The following MIPOL1 variants were observed in gnomAD, a reference collection of about 807,000 sequenced individuals.
The protein encoded by MIPOL1 is mirror-image polydactyly gene 1 protein.
Under a neutral mutation model 60.9 loss-of-function variants are expected in MIPOL1, and 57 were observed. That is an observed-to-expected ratio of 0.94 (90% CI 0.76 to 1.17). The LOEUF is 1.17. MIPOL1 is among the 50% of genes most tolerant of loss of function. The pLI, the probability that MIPOL1 is intolerant of heterozygous loss-of-function variation, is 0.00. For missense variants in MIPOL1, 551 were observed against 511.6 expected (o/e 1.08, Z -0.74); for synonymous variants, 179 against 168.8 (o/e 1.06, Z -0.47).
At chr14:37,499,257 A>G (rs868018536) in intron 11 of MIPOL1, among the ~76,000 whole-genome samples, 3 of 152,210 alleles carry the variant, frequency 2.0e-5, no homozygotes, top group Middle Eastern at 3.4e-3. Flanking sequence ...TTCTGCATTC[A>G]TTTAGTCTTA....
At chr14:37,288,417 A>G (rs1199473977) in intron 7 of MIPOL1, among the ~76,000 whole-genome samples, 1 of 152,178 alleles carries the variant, frequency 6.6e-6, no homozygotes, top group East Asian at 1.9e-4. Context: ...GATTGGCTAT[A>G]CATTGTTAAG....
intron 9 of MIPOL1, among the ~76,000 whole-genome samples, chr14:37,366,690 C>T (rs1459290902): frequency 3.3e-5 from 5 of 151,780 alleles, no homozygotes; most frequent in African/African-American, 9.7e-5. Flanking sequence ...AGATTCAGTC[C>T]GAAGTTTCTT....
Position 37,255,633 on chromosome 14 carries a change from T to C in MIPOL1, c.19+7726T>C, listed in dbSNP as rs1280635271. On this transcript the variant is annotated intron_variant, in intron 3 of 12. Transcript: ENST00000684589. ...GATAATTTCAGATACAGTTTTTCTT[T>C]GTGTTCTGCTTATTTTAGGGAATAT... Among the ~76,000 whole-genome samples, 21 of 151,872 alleles carry C rather than the reference T, an allele frequency of 1.4e-4. No homozygotes were observed. The East Asian group carries it at 3.9e-3, about 28-fold the overall frequency.
At chr14:37,202,592 C>A (rs899421652) in intron 1 of MIPOL1, among the ~76,000 whole-genome samples, 2 of 152,172 alleles carry the variant, frequency 1.3e-5, no homozygotes, top group African/African-American at 2.4e-5. Context: ...TCCCCTCCCT[C>A]CAGGGCTTCA....
intron 7 of MIPOL1, among the ~76,000 whole-genome samples, chr14:37,302,435 G>C (rs8019584): frequency 6.6e-6 from 1 of 150,758 alleles, no homozygotes; most frequent in Non-Finnish European, 1.5e-5. Flanking sequence ...GGTATTTGAT[G>C]GTTTTTCAAA....
chr14:37,241,502 G>A (rs1327429339), intron 1 of MIPOL1, among the ~76,000 whole-genome samples: 1 of 149,076 alleles, frequency 6.7e-6, no homozygotes, highest in African/African-American at 2.5e-5. Flanking sequence ...AGAATCGCTT[G>A]AGTCCAGAAG....
intron 6 of MIPOL1, among the ~76,000 whole-genome samples, chr14:37,282,518 T>C (rs2084198323): frequency 6.6e-6 from 1 of 151,822 alleles, no homozygotes; most frequent in Non-Finnish European, 1.5e-5. Context: ...GGTGGGAGAA[T>C]CACTTGAGCC....
intron 11 of MIPOL1, among the ~76,000 whole-genome samples, chr14:37,456,627 T>C (rs564598981): frequency 6.6e-5 from 10 of 152,286 alleles, no homozygotes. Flanking sequence ...TTTAATTTAA[T>C]TTAAATTTGC....
chr14:37,439,100 A>G (rs1002550442), intron 11 of MIPOL1, among the ~76,000 whole-genome samples: 6 of 152,228 alleles, frequency 3.9e-5, no homozygotes, highest in African/African-American at 1.4e-4. Flanking sequence ...CTACCTTCAA[A>G]TAGATTATAA....
At chr14:37,540,650 C>A (rs2095526141) in intron 12 of MIPOL1, among the ~76,000 whole-genome samples, 1 of 152,144 alleles carries the variant, frequency 6.6e-6, no homozygotes, top group Non-Finnish European at 1.5e-5. Flanking sequence ...CACCTCAGCT[C>A]CTTTTAATCG....
chr14:37,530,900 C>A (rs1201249361), intron 12 of MIPOL1, among the ~76,000 whole-genome samples: 1 of 151,698 alleles, frequency 6.6e-6, no homozygotes, highest in East Asian at 1.9e-4. Context: ...TCACTGCAAC[C>A]TCCGCCTCCC....
chr14:37,492,324 T>A (rs1388079952), intron 11 of MIPOL1, among the ~76,000 whole-genome samples: 1 of 152,214 alleles, frequency 6.6e-6, no homozygotes, highest in African/African-American at 2.4e-5. Flanking sequence ...GCCCATTTTT[T>A]AAAAAAGAAT....
chr14:37,312,767 A>C (rs931980603), intron 9 of MIPOL1, among the ~76,000 whole-genome samples: 27 of 152,268 alleles, frequency 1.8e-4, no homozygotes, highest in South Asian at 1.4e-3. Context: ...TCAAGGAATT[A>C]TCTTACCAAC....
intron 12 of MIPOL1, among the ~76,000 whole-genome samples, chr14:37,510,228 A>G (rs2095316941): frequency 2.0e-5 from 3 of 151,452 alleles, no homozygotes; most frequent in Admixed American, 6.6e-5. Context: ...GTGTGTGTGT[A>G]TATATATAGT....
intron 12 of MIPOL1, among the ~76,000 whole-genome samples, chr14:37,511,847 A>G (rs2095330157): frequency 1.3e-5 from 2 of 152,306 alleles, no homozygotes; most frequent in South Asian, 2.1e-4. Flanking sequence ...AAATTCCCTC[A>G]TAAACTATAT....
chr14:37,225,284 G>C (rs1261343857), intron 1 of MIPOL1, among the ~76,000 whole-genome samples: 1 of 152,166 alleles, frequency 6.6e-6, no homozygotes, highest in East Asian at 1.9e-4. Flanking sequence ...TAGGAACTTT[G>C]TGTGGGGGCT....
At chr14:37,433,023 C>T (rs1020656450) in intron 11 of MIPOL1, among the ~76,000 whole-genome samples, 3 of 152,140 alleles carry the variant, frequency 2.0e-5, no homozygotes, top group South Asian at 2.1e-4. Flanking sequence ...AGCAAGCCAT[C>T]GGGCTGGAAA....
intron 9 of MIPOL1, among the ~76,000 whole-genome samples, chr14:37,340,353 A>T (rs1012910801): frequency 8.5e-5 from 13 of 152,342 alleles, no homozygotes; most frequent in African/African-American, 3.1e-4. Flanking sequence ...CAATGTGTTT[A>T]TGTTTTAAGC....
intron 9 of MIPOL1, among the ~76,000 whole-genome samples, chr14:37,313,510 G>T (rs1309073138): frequency 6.6e-6 from 1 of 152,090 alleles, no homozygotes; most frequent in Non-Finnish European, 1.5e-5. Flanking sequence ...TAAGTGAGGG[G>T]CCCAACCCCT....
Sources: gnomAD v4.1 joint callset for allele counts (sites outside exome capture counted in the v4.1 genomes callset) on GRCh38, gnomAD v4.1.1 for gene constraint, MANE v1.5 for transcripts, NCBI Gene and HGNC (gene_info 2026-07-23, HGNC 2026-07-21) for gene names.